The following SETMAR variants were observed in gnomAD, a reference collection of about 807,000 sequenced individuals.
The protein encoded by SETMAR is SET and mariner transposase domain methyltransferase.
Under a neutral mutation model 58.4 loss-of-function variants are expected in SETMAR, and 44 were observed. The ratio of observed to expected loss-of-function variants is 0.75; its 90% CI spans 0.59 to 0.97. The LOEUF is 0.97. Ranked by LOEUF, SETMAR falls within the 50% of genes least tolerant of loss-of-function variation. The pLI is 0.00. For synonymous variants in SETMAR, 332 were observed against 307.4 expected, an observed-to-expected ratio of 1.08 and a Z score of -0.84; for missense variants, 903 against 840.2, an observed-to-expected ratio of 1.07 and a Z score of -0.92.
chr3:4,313,890 G>A, intron 2 of SETMAR, 129 bp downstream of exon 2: 4 of 1,474,246 alleles, frequency 2.7e-6, no homozygotes, highest in Non-Finnish European at 3.6e-6. Context: ...TTGTCCATCA[G>A]TATCCTTTCC....
Position 4,317,097 on chromosome 3 carries a change from G to A in SETMAR, c.1906G>A (p.Gly636Arg). 6.5e-7 allele frequency: 1 copy of A among 1,547,758 alleles called. No homozygotes were observed. The highest frequency in any genetic ancestry group is 8.7e-7 in the Non-Finnish European group (1 of 1,145,296). ...VFKHLNNFLQ[G>R]KRFHNQQDAE... ...TAAGCATCTCAACAACTTTTTGCAG[G>A]GAAAACGCTTCCACAACCAGCAGGA... is the stretch of plus-strand genomic sequence containing the variant. Residue 636 changes from glycine (G) to arginine (R), a missense_variant, in exon 3 of 3, where the codon GGA becomes AGA. Transcript: ENST00000358065.
At chr3:4,311,463 T>C (rs928887909) in intron 1 of SETMAR, among the ~76,000 whole-genome samples, 4 of 152,224 alleles carry the variant, frequency 2.6e-5, no homozygotes, top group Admixed American at 1.3e-4. Flanking sequence ...CAGCAGCCTT[T>C]ACTGGGGACC....
At chr3:4,312,836 T>C in intron 1 of SETMAR, 62 bp from the exon 2 acceptor site, 1 of 1,520,038 alleles carries the variant, frequency 6.6e-7, no homozygotes, top group Non-Finnish European at 8.8e-7. Context: ...CAGAAGCTAC[T>C]TGGAATATAT....
In SETMAR at chr3:4,313,562, A is replaced by G; in HGVS notation, c.821A>G (p.Asp274Gly). ...TATCTTAATCTAACAGTCAGTGAAGACAAAGAAAGGCTAGATCATGGGAAA... is the reference window on the plus strand; with the variant it reads ...TATCTTAATCTAACAGTCAGTGAAGGCAAAGAAAGGCTAGATCATGGGAAA... ...GRYLNLTVSEDKERLDHGKLR... is the reference protein window; with the variant it reads ...GRYLNLTVSEGKERLDHGKLR... Residue 274 changes from aspartate to glycine, a missense_variant, in exon 2 of 3, where the codon GAC (aspartate) becomes GGC (glycine). Physicochemically the swap from Asp to Gly is moderately conservative, Grantham distance 94. Transcript: ENST00000358065. 1 of 1,614,090 alleles carries G rather than the reference A, an allele frequency of 6.2e-7. No homozygotes were observed.
At position 4,313,050 on chromosome 3, in the gene SETMAR, A is replaced by G; in HGVS notation, c.309A>G (p.Arg103=). 6.2e-7 allele frequency: 1 copy of G among 1,613,898 alleles called. No homozygotes were observed. The highest frequency in any genetic ancestry group is 1.1e-5 in the South Asian group (1 of 91,078). ...GENYDDNSCL[R]DIGSGGKYAE... Reference sequence around the variant, plus strand: ...ACTATGATGATAACTCATGCCTTAGAGATATAGGATCTGGAGGAAAGTATG... The same window carrying G: ...ACTATGATGATAACTCATGCCTTAGGGATATAGGATCTGGAGGAAAGTATG... Residue 103 remains arginine, a synonymous_variant, in exon 2 of 3, where the codon AGA becomes AGG. Coordinates refer to ENST00000358065, the MANE Select transcript of SETMAR (RefSeq NM_006515.4).
At chr3:4,312,869 C>T in intron 1 of SETMAR, 29 bp from the exon 2 acceptor site, 1 of 1,565,042 alleles carries the variant, frequency 6.4e-7, no homozygotes, top group South Asian at 1.2e-5. Context: ...ACATGCCGTG[C>T]TGACTTACAG....
In SETMAR at chr3:4,312,866, G is replaced by A. The variant is rs139762957; in HGVS notation, c.157-32G>A. 1.6e-3 allele frequency: 2,555 copies of A among 1,564,172 alleles called. 3 individuals are homozygous for A. The highest frequency in any genetic ancestry group is 4.5e-3 in the Middle Eastern group (26 of 5,772). On this transcript the variant is annotated intron_variant, in intron 1 of 2. Transcript: ENST00000358065. ...ATATATAGGAAATATATGACATGCCGTGCTGACTTACAGTGTGTATATTTT... is the reference window on the plus strand; with the variant it reads ...ATATATAGGAAATATATGACATGCCATGCTGACTTACAGTGTGTATATTTT...
intron 1 of SETMAR, among the ~76,000 whole-genome samples, chr3:4,309,802 C>A (rs1357113825): frequency 6.6e-6 from 1 of 152,222 alleles, no homozygotes; most frequent in Non-Finnish European, 1.5e-5. Context: ...TATCAGCTGA[C>A]TCCCAGTTTG....
intron 1 of SETMAR, among the ~76,000 whole-genome samples, chr3:4,305,549 A>G (rs773012485): frequency 1.3e-5 from 2 of 152,192 alleles, no homozygotes; most frequent in Non-Finnish European, 2.9e-5. Flanking sequence ...GGGATTCTCT[A>G]TAGAATGTGG....
At chr3:4,311,966 T>C (rs989040931) in intron 1 of SETMAR, among the ~76,000 whole-genome samples, 8 of 152,354 alleles carry the variant, frequency 5.3e-5, no homozygotes, top group African/African-American at 1.9e-4. Context: ...AGGCTTCACA[T>C]AGAGTTTAGA....
chr3:4,303,951 G>A, intron 1 of SETMAR: 2 of 1,005,062 alleles, frequency 2.0e-6, no homozygotes, highest in Non-Finnish European at 1.3e-6. Context: ...CTTAGCTGTG[G>A]TCTCCCTCAC....
Position 4,303,932 on chromosome 3 carries a change from C to G in SETMAR, c.156+406C>G, listed in dbSNP as rs115308297. On this transcript the variant is annotated intron_variant, in intron 1 of 2. Coordinates refer to ENST00000358065, the MANE Select transcript of SETMAR (RefSeq NM_006515.4). ...GGTGTCGTGCATAAAAACAGCCCCT[C>G]GAGTCAGCCTTAGCTGTGGTCTCCC... The G allele has an allele frequency of 9.5e-4, 1,088 of 1,149,834 alleles. 13 individuals are homozygous for G. The African/African-American group carries it at 0.017, about 17-fold the overall frequency. The allele number at this position is 1,149,834 out of a possible 1,614,324, so 71.2% of individuals were successfully genotyped here.
At position 4,305,341 on chromosome 3, in the gene SETMAR, C is replaced by T. The variant is rs1031331355; in HGVS notation, c.156+1815C>T. Among the ~76,000 whole-genome samples the T allele has an allele frequency of 3.0e-4, 46 of 152,286 alleles. 2 individuals carry two copies. Among genetic ancestry groups the T allele is most frequent in the Admixed American group, 3.3e-4 (5 of 15,296 alleles). ...CCTCAAGTGATCCACCCACCTGGGC[C>T]TCCCAAAGTGCTGGGATTACAGACG... On this transcript the variant is annotated intron_variant, in intron 1 of 2. Transcript: ENST00000358065.
Position 4,316,495 on chromosome 3 carries a change from A to G in SETMAR, c.1304A>G (p.Glu435Gly), listed in dbSNP as rs1330837829. The G allele has an allele frequency of 3.7e-6, 6 of 1,600,768 alleles. No homozygotes were observed. The highest frequency in any genetic ancestry group is 3.3e-4 in the Middle Eastern group (2 of 6,032). The change falls in exon 3 of 3, where the codon GAA (glutamate) becomes GGA (glycine). Residue 435 changes from glutamate to glycine, a missense_variant. Transcript: ENST00000358065. ...PLTTTREVAE[E>G]LNVNHSTVVR... The stretch of plus-strand genomic sequence containing the variant: ...ACAACTACACGAGAAGTTGCTGAAG[A>G]ACTCAATGTCAACCATTCTACGGTC...
rs1364693538 is a variant in SETMAR, at chr3:4,303,596, C to T, written c.156+70C>T. On this transcript the variant is annotated intron_variant, in intron 1 of 2. Coordinates refer to ENST00000358065, the MANE Select transcript of SETMAR (RefSeq NM_006515.4). ...CCCACGTGGTCTCCTCAAGCCGCCT[C>T]GCTGGGACGGCCTCCCAGTCGCGAC... 8.7e-6 allele frequency: 12 copies of T among 1,375,694 alleles called. No homozygotes were observed. In the East Asian group the frequency reaches 2.2e-4, roughly 25 times the overall value. The allele number at this position is 1,375,694 out of a possible 1,614,324, so 85.2% of individuals were successfully genotyped here.
intron 2 of SETMAR, among the ~76,000 whole-genome samples, chr3:4,314,897 C>T (rs1358971041): frequency 6.6e-6 from 1 of 152,144 alleles, no homozygotes; most frequent in Non-Finnish European, 1.5e-5. Context: ...CTAGGAGGCC[C>T]TGCACTTTCA....
intron 1 of SETMAR, among the ~76,000 whole-genome samples, chr3:4,309,264 A>G (rs532771814): frequency 6.6e-6 from 1 of 152,160 alleles, no homozygotes; most frequent in African/African-American, 2.4e-5. Flanking sequence ...CCAAAAGGGA[A>G]GAGGGTATAA....
In SETMAR at chr3:4,313,716, C is replaced by T; in HGVS notation, c.975C>T (p.Gly325=). The T allele has an allele frequency of 6.2e-7, 1 of 1,614,046 alleles. No homozygotes were observed. Among genetic ancestry groups the T allele is most frequent in the Non-Finnish European group, 8.5e-7 (1 of 1,179,970 alleles). ...CGNEKEPSMC[G]SAPSVFPSCK... The stretch of plus-strand genomic sequence containing the variant: ...ATGAGAAGGAACCCAGCATGTGTGG[C>T]TCAGCCCCTTCTGTGTTCCCCTCCT... The change falls in exon 2 of 3, where the codon GGC becomes GGT. Residue 325 remains glycine (G), a synonymous_variant. Transcript: ENST00000358065.
At chr3:4,307,785 C>G (rs1698248371) in intron 1 of SETMAR, among the ~76,000 whole-genome samples, 1 of 152,074 alleles carries the variant, frequency 6.6e-6, no homozygotes, top group South Asian at 2.1e-4. Context: ...TCCCATAATC[C>G]CAACCCTTTT....
Sources: allele counts gnomAD v4.1 joint callset (sites outside exome capture counted in the v4.1 genomes callset), GRCh38; gene constraint gnomAD v4.1.1; transcripts MANE v1.5; gene names NCBI Gene and HGNC (gene_info 2026-07-23, HGNC 2026-07-21).